The following C7orf57 variants were observed in gnomAD, a reference collection of about 807,000 sequenced individuals.
C7orf57 encodes the protein chromosome 7 open reading frame 57.
C7orf57 carries 33 observed loss-of-function variants against 39.0 expected under a neutral mutation model. That is an observed-to-expected ratio of 0.85 (90% CI 0.64 to 1.13). The LOEUF is 1.13. Among genes scored for constraint, C7orf57 ranks in the 50% most tolerant of loss-of-function variants. The pLI is 0.00. For missense variants in C7orf57, 346 were observed against 362.3 expected, an observed-to-expected ratio of 0.95 and a Z score of 0.37; for synonymous variants, 124 against 137.1, an observed-to-expected ratio of 0.90 and a Z score of 0.67.
chr7:48,044,220 G>A (rs534085130), intron 4 of C7orf57, among the ~76,000 whole-genome samples: 7 of 152,138 alleles, frequency 4.6e-5, no homozygotes, highest in African/African-American at 9.7e-5. Context: ...ATTAGCGGCG[G>A]GTCTGCAACG....
intron 6 of C7orf57, among the ~76,000 whole-genome samples, chr7:48,051,756 TTCTTTC>T (rs1790902299): frequency 3.9e-5 from 1 of 25,546 alleles, no homozygotes; most frequent in South Asian, 1.1e-3. Flanking sequence ...TTTCTTTTCT[TTCTTTC>T]TTTCTTTCTT....
At chr7:48,051,981 T>C (rs1303948738) in intron 6 of C7orf57, among the ~76,000 whole-genome samples, 3 of 148,968 alleles carry the variant, frequency 2.0e-5, no homozygotes, top group Non-Finnish European at 4.5e-5. Flanking sequence ...CTTCTTTCTT[T>C]TCTTTTTTTT....
At chr7:48,052,091 A>C (rs551370839) in intron 6 of C7orf57, among the ~76,000 whole-genome samples, 1 of 151,296 alleles carries the variant, frequency 6.6e-6, no homozygotes, top group African/African-American at 2.4e-5. Context: ...CTCCTGCCTC[A>C]GCCTCCTGAG....
intron 4 of C7orf57, among the ~76,000 whole-genome samples, chr7:48,044,238 TCAG>T (rs908593720): frequency 6.6e-6 from 1 of 151,718 alleles, no homozygotes; most frequent in African/African-American, 2.4e-5. Flanking sequence ...ACGGAGGCAA[TCAG>T]CAGTGGTGGA....
intron 3 of C7orf57, 31 bp from the exon 4 acceptor site, chr7:48,043,450 G>A (rs755627582): frequency 9.6e-6 from 15 of 1,558,238 alleles, no homozygotes; most frequent in Admixed American, 3.4e-5. Context: ...GCGGCGGGGT[G>A]TCTCACAGCC....
intron 4 of C7orf57, among the ~76,000 whole-genome samples, chr7:48,044,845 G>A (rs1450249944): frequency 1.3e-5 from 2 of 152,194 alleles, no homozygotes; most frequent in Non-Finnish European, 2.9e-5. Flanking sequence ...AGAACCACCT[G>A]TCGTGGATTG....
In C7orf57 at chr7:48,052,936, C is replaced by A. The variant is rs1359367165; in HGVS notation, c.829+13C>A. The A allele has an allele frequency of 6.3e-7, 1 of 1,590,884 alleles. No individual in the cohort carries two copies. The highest frequency in any genetic ancestry group is 1.3e-5 in the African/African-American group (1 of 74,524). ...GAGGACACCCCAGGTGAGGCACAAG[C>A]AGCCATCTGCATTTATTGGAGGCTT... On this transcript the variant is annotated intron_variant, in intron 7 of 8. Coordinates refer to ENST00000348904, the MANE Select transcript of C7orf57 (RefSeq NM_001100159.3).
Position 48,046,512 on chromosome 7 carries a change from G to T in C7orf57, c.403G>T (p.Asp135Tyr). The T allele has an allele frequency of 2.5e-6, 4 of 1,613,782 alleles. No homozygotes were observed. Among genetic ancestry groups the T allele is most frequent in the South Asian group, 1.1e-5 (1 of 91,012 alleles). Residue 135 changes from aspartate (D) to tyrosine (Y), a missense_variant, in exon 5 of 9, where the codon GAT becomes TAT. Asp to Tyr is a radical substitution (Grantham distance 160). Transcript: ENST00000348904. The stretch of plus-strand genomic sequence containing the variant: ...CATGGTTCATGAAGAATTTAACCCC[G>T]ATCAAGCCAATGGTAGCTATGCATC... ...DYMVHEEFNP[D>Y]QANGSYASRR...
At position 48,049,914 on chromosome 7, in the gene C7orf57, G is replaced by A; in HGVS notation, c.542G>A (p.Ser181Asn). The A allele has an allele frequency of 1.2e-6, 2 of 1,613,766 alleles. No individual in the cohort carries two copies. Among genetic ancestry groups the A allele is most frequent in the Non-Finnish European group, 8.5e-7 (1 of 1,179,760 alleles). Residue 181 changes from serine (S) to asparagine (N), a missense_variant, in exon 6 of 9, where the codon AGC (serine) becomes AAC (asparagine). Physicochemically the swap from Ser to Asn is conservative, Grantham distance 46 (BLOSUM62 1). Transcript: ENST00000348904. ...CCGGCCATTGACTCAAAGTATCTGA[G>A]CAAAGCAGGCACCCCACTTGGCCCT... The part of the protein sequence containing the change: ...RLPAIDSKYL[S>N]KAGTPLGPKN...
At position 48,052,810 on chromosome 7, in the gene C7orf57, C is replaced by T. The variant is rs761632362; in HGVS notation, c.716C>T (p.Pro239Leu). ...CGAGCTGACTCAGACAAGAGGACCCCGAAGACCTCCAGGGCATCAGTGTTA... is the reference window on the plus strand; with the variant it reads ...CGAGCTGACTCAGACAAGAGGACCCTGAAGACCTCCAGGGCATCAGTGTTA... ...QQRADSDKRTPKTSRASVLSQ... is the reference protein window; with the variant it reads ...QQRADSDKRTLKTSRASVLSQ... The change falls in exon 7 of 9, where the codon CCG (proline) becomes CTG (leucine). Residue 239 changes from proline to leucine, a missense_variant. Transcript: ENST00000348904. 5.0e-6 allele frequency: 8 copies of T among 1,613,944 alleles called. No individual in the cohort carries two copies. The highest frequency in any genetic ancestry group is 1.3e-5 in the African/African-American group (1 of 75,030).
At chr7:48,051,347 A>ATTTT (rs71006546) in intron 6 of C7orf57, among the ~76,000 whole-genome samples, 26,309 of 69,470 alleles carry the variant, frequency 0.38, 5,625 homozygotes, top group Non-Finnish European at 0.45. Flanking sequence ...CAGCTGGCTA[A>ATTTT]TTTTTTTTTT....
chr7:48,036,480 G>T, intron 2 of C7orf57, 117 bp downstream of exon 2: 1 of 925,016 alleles, frequency 1.1e-6, no homozygotes, highest in Admixed American at 3.1e-5. Flanking sequence ...GTGAACGATG[G>T]AGGACCAAGT....
intron 8 of C7orf57, among the ~76,000 whole-genome samples, chr7:48,058,627 T>G (rs922838908): frequency 3.3e-5 from 5 of 152,182 alleles, no homozygotes; most frequent in African/African-American, 1.2e-4. Context: ...CAATTTTGTT[T>G]ATAATAAAAA....
At chr7:48,051,821 T>TC (rs779076178) in intron 6 of C7orf57, among the ~76,000 whole-genome samples, 432 of 12,836 alleles carry the variant, frequency 0.034, 9 homozygotes, top group Middle Eastern at 0.048. Flanking sequence ...TCTCTTCTCT[T>TC]TCTTTCTTTC....
intron 2 of C7orf57, among the ~76,000 whole-genome samples, chr7:48,037,205 CT>C (rs1790400550): frequency 6.6e-6 from 1 of 152,162 alleles, no homozygotes; most frequent in African/African-American, 2.4e-5. Flanking sequence ...GCTGATTTGC[CT>C]TTTCCCAGTA....
chr7:48,042,458 G>A (rs747124863), intron 3 of C7orf57, among the ~76,000 whole-genome samples: 1 of 152,132 alleles, frequency 6.6e-6, no homozygotes, highest in Non-Finnish European at 1.5e-5. Context: ...TGAGGTATAG[G>A]GGGAGGACTG....
rs1390459363 is a variant in C7orf57, at chr7:48,043,562, G to A, written c.323G>A (p.Ser108Asn). 6.2e-7 allele frequency: 1 copy of A among 1,613,786 alleles called. No homozygotes were observed. The highest frequency in any genetic ancestry group is 8.5e-7 in the Non-Finnish European group (1 of 1,179,860). Residue 108 changes from serine (S) to asparagine (N), a missense_variant, in exon 4 of 9, where the codon AGC becomes AAC. Physicochemically the swap from Ser to Asn is conservative, Grantham distance 46. Coordinates refer to ENST00000348904, the MANE Select transcript of C7orf57 (RefSeq NM_001100159.3). Reference protein sequence around the residue: ...YSLPDWYIHHSKPPTASQQEV... With the variant: ...YSLPDWYIHHNKPPTASQQEV... The stretch of plus-strand genomic sequence containing the variant: ...CTGCCAGACTGGTATATCCACCACA[G>A]CAAGCCACCGACAGCCAGCCAGCAA...
intron 2 of C7orf57, among the ~76,000 whole-genome samples, chr7:48,039,702 T>G (rs899924730): frequency 6.6e-6 from 1 of 152,074 alleles, no homozygotes; most frequent in African/African-American, 2.4e-5. Flanking sequence ...CACATAAAAT[T>G]AGACATTATA....
chr7:48,052,570 CAG>C (rs972854959), intron 6 of C7orf57, 128 bp from the exon 7 acceptor site: 303 of 703,446 alleles, frequency 4.3e-4, no homozygotes, highest in Middle Eastern at 1.1e-3. Flanking sequence ...GAGGGAAAGA[CAG>C]AGAGAGAGAG....
Sources: gnomAD v4.1 joint callset for allele counts (sites outside exome capture counted in the v4.1 genomes callset) on GRCh38, gnomAD v4.1.1 for gene constraint, MANE v1.5 for transcripts, NCBI Gene and HGNC (gene_info 2026-07-23, HGNC 2026-07-21) for gene names.